Variants in ADGRE3 observed in about 807,000 individuals in gnomAD.
ADGRE3 encodes the protein EGF-like module receptor 3.
In ADGRE3, 88 loss-of-function variants were observed where a neutral mutation model predicts 80.1. That is an observed-to-expected ratio of 1.10 (90% confidence interval 0.93 to 1.31). ADGRE3 has a LOEUF of 1.31. Among genes scored for constraint, ADGRE3 ranks in the 40% most tolerant of loss-of-function variants. The probability of loss-of-function intolerance (pLI) is 0.00; values close to 1 mark genes in which losing one functional copy is unlikely to be tolerated. For missense variants in ADGRE3, 715 were observed against 776.5 expected, an observed-to-expected ratio of 0.92 and a Z score of 0.94; for synonymous variants, 281 against 294.8, an observed-to-expected ratio of 0.95 and a Z score of 0.48.
the ADGRE3 span, among the ~76,000 whole-genome samples, chr19:14,601,634 T>G: frequency 6.6e-6 from 1 of 152,064 alleles, no homozygotes; most frequent in Non-Finnish European, 1.5e-5. Flanking sequence ...TTTCTGTTTT[T>G]CAGGGACAAG....
At chr19:14,602,693 T>C in the ADGRE3 span, among the ~76,000 whole-genome samples, 1 of 152,084 alleles carries the variant, frequency 6.6e-6, no homozygotes, top group African/African-American at 2.4e-5. Flanking sequence ...GTCCCTTCTG[T>C]TTTTTATCCC....
At chr19:14,620,538 TATATATATATTATATATA>T (rs1970546580) in intron 15 of ADGRE3, among the ~76,000 whole-genome samples, 1 of 15,244 alleles carries the variant, frequency 6.6e-5, no homozygotes, top group African/African-American at 4.0e-4. Flanking sequence ...ATATATATTT[TATATATATATTATATATA>T]TATATATATA....
intron 4 of ADGRE3, among the ~76,000 whole-genome samples, chr19:14,661,638 C>G (rs1971945622): frequency 1.3e-5 from 2 of 152,144 alleles, no homozygotes; most frequent in Admixed American, 6.5e-5. Flanking sequence ...ACATCCTGGT[C>G]CCACAACAAA....
intron 6 of ADGRE3, among the ~76,000 whole-genome samples, chr19:14,652,776 CAAAAAAAAAAAAA>C (rs1971643149): frequency 1.6e-5 from 1 of 62,396 alleles, no homozygotes; most frequent in Non-Finnish European, 3.2e-5. Context: ...GACTCCATCT[CAAAAAAAAAAAAA>C]GAAAAAAAAA....
the ADGRE3 span, among the ~76,000 whole-genome samples, chr19:14,607,634 G>A: frequency 6.6e-6 from 1 of 151,728 alleles, no homozygotes; most frequent in African/African-American, 2.4e-5. Context: ...GGAGTGCAAT[G>A]GTGCGATCTC....
At chr19:14,611,419 C>G in the ADGRE3 span, among the ~76,000 whole-genome samples, 1 of 146,584 alleles carries the variant, frequency 6.8e-6, no homozygotes, top group Non-Finnish European at 1.5e-5. Flanking sequence ...ATTCTACTAC[C>G]CAGGCTGGAG....
intron 10 of ADGRE3, among the ~76,000 whole-genome samples, chr19:14,640,391 G>A (rs1971216072): frequency 6.6e-6 from 1 of 152,052 alleles, no homozygotes; most frequent in African/African-American, 2.4e-5. Context: ...CCGGGTTCAA[G>A]CAATTCTCCT....
rs1568471536 is a variant in ADGRE3, at chr19:14,620,551, T to TATATA, written c.1921-1085_1921-1081dup. Among the ~76,000 whole-genome samples the TATATA allele has an allele frequency of 1.4e-3, 32 of 23,402 alleles. 1 individual carries two copies. The highest frequency in any genetic ancestry group is 2.0e-3 in the Admixed American group (3 of 1,478). 15.4% of individuals were successfully genotyped at this position (23,402 alleles called of 152,430 possible). A position where few individuals can be genotyped will look rare whatever the true frequency, so the allele number is the denominator to read the frequency against. On this transcript the variant is annotated intron_variant, in intron 15 of 15. Transcript: ENST00000253673. ...ATATATATATTTTATATATATATTATATATATATATATATATATTTTTTTT... is the reference window on the plus strand; with the variant it reads ...ATATATATATTTTATATATATATTATATATAATATATATATATATATATTTTTTTT...
Position 14,625,488 on chromosome 19 carries a change from T to C in ADGRE3, c.1920+4A>G, listed in dbSNP as rs746648681. 3 of 1,565,486 alleles carry C rather than the reference T, an allele frequency of 1.9e-6. No homozygotes were observed. In the South Asian group the frequency reaches 3.3e-5, roughly 17 times the overall value. On this transcript the variant is annotated splice_donor_region_variant and intron_variant, in intron 15 of 15. Coordinates refer to ENST00000253673, the MANE Select transcript of ADGRE3 (RefSeq NM_032571.5). ...CATTAGAACAATTCAGATGTTTCACTTACCTCACTGGGTTTTGAGTCAGGA... is the reference window on the plus strand; with the variant it reads ...CATTAGAACAATTCAGATGTTTCACCTACCTCACTGGGTTTTGAGTCAGGA...
chr19:14,663,267 T>C (rs936913581), intron 3 of ADGRE3, 151 bp downstream of exon 3: 1 of 289,422 alleles, frequency 3.5e-6, no homozygotes, highest in African/African-American at 2.3e-5. Flanking sequence ...CCTCCCCAAG[T>C]GCTGGGATTA....
the ADGRE3 span, among the ~76,000 whole-genome samples, chr19:14,606,083 C>T: frequency 2.0e-5 from 3 of 152,054 alleles, no homozygotes; most frequent in Admixed American, 6.6e-5. Context: ...TTTCATCTTC[C>T]TTCCTTCTTT....
At chr19:14,620,568 A>ATATATTTTTTT (rs1435435269) in intron 15 of ADGRE3, among the ~76,000 whole-genome samples, 3 of 11,046 alleles carry the variant, frequency 2.7e-4, no homozygotes, top group Non-Finnish European at 3.0e-4. Context: ...ATATATATAT[A>ATATATTTTTTT]TTTTTTTTTT....
At chr19:14,651,040 A>G (rs1971591814) in intron 7 of ADGRE3, 45 bp downstream of exon 7, 1 of 1,610,256 alleles carries the variant, frequency 6.2e-7, no homozygotes, top group South Asian at 1.1e-5. Flanking sequence ...TCACACAATG[A>G]CATGGCTCTG....
chr19:14,643,866 A>G lies in ADGRE3; in HGVS notation c.1050+242T>C, dbSNP rs561015407. ...GCTGGGATTACAGGCATGTACCACT[A>G]TGTTTGGCGAATTTTTGTATTTTTA... On this transcript the variant is annotated intron_variant, in intron 9 of 15. Coordinates refer to ENST00000253673, the MANE Select transcript of ADGRE3 (RefSeq NM_032571.5). Among the ~76,000 whole-genome samples, 3 of 151,898 alleles carry G rather than the reference A, an allele frequency of 2.0e-5. No individual in the cohort carries two copies. The South Asian group carries it at 6.2e-4, about 32-fold the overall frequency.
chr19:14,646,291 T>G (rs1971396277), intron 8 of ADGRE3, among the ~76,000 whole-genome samples: 1 of 152,110 alleles, frequency 6.6e-6, no homozygotes, highest in Admixed American at 6.5e-5. Flanking sequence ...CCCAGCTAAT[T>G]TTTGTATTTT....
chr19:14,660,937 C>CTTTTTT (rs35730102), intron 4 of ADGRE3, among the ~76,000 whole-genome samples: 8 of 83,504 alleles, frequency 9.6e-5, no homozygotes, highest in Non-Finnish European at 1.3e-4. Flanking sequence ...GTCATATTTC[C>CTTTTTT]TTTTTTTTTT....
In ADGRE3 at chr19:14,644,107, C is replaced by A. The variant is rs1256206425; in HGVS notation, c.1050+1G>T. On this transcript the variant is annotated splice_donor_variant, in intron 9 of 15. Coordinates refer to ENST00000253673, the MANE Select transcript of ADGRE3 (RefSeq NM_032571.5). LOFTEE classifies it high-confidence loss of function. ...GGAAGAATAAAACATATACATCATA[C>A]CTGGCTGGTCAGGGCCATCAGGACA... The A allele has an allele frequency of 6.6e-7, 1 of 1,513,462 alleles. No individual in the cohort carries two copies. The highest frequency in any genetic ancestry group is 8.9e-7 in the Non-Finnish European group (1 of 1,127,532). 93.8% of individuals were successfully genotyped at this position (1,513,462 alleles called of 1,614,324 possible). A position where few individuals can be genotyped will look rare whatever the true frequency, so the allele number is the denominator to read the frequency against.
In ADGRE3 at chr19:14,619,231, C is replaced by T. The variant is rs2075102408; in HGVS notation, c.*202G>A. On this transcript the variant is annotated 3_prime_UTR_variant, in exon 16 of 16. Transcript: ENST00000253673. ...TCCAGGGACAAGCATTGACTGAATA[C>T]ACCATAGTGAAGAGAAATGCAATTT... The T allele has an allele frequency of 1.7e-6, 1 of 582,722 alleles. No individual in the cohort carries two copies. Among genetic ancestry groups the T allele is most frequent in the African/African-American group, 1.9e-5 (1 of 52,456 alleles). 36.1% of individuals were successfully genotyped at this position (582,722 alleles called of 1,614,324 possible).
At chr19:14,610,290 G>GGAC in the ADGRE3 span, 1 of 1,492,664 alleles carries the variant, frequency 6.7e-7, no homozygotes, top group African/African-American at 1.4e-5. Flanking sequence ...CTTCGTGAGT[G>GGAC]GACACACAGA....
Sources: gnomAD v4.1 joint callset for allele counts (sites outside exome capture counted in the v4.1 genomes callset) on GRCh38, gnomAD v4.1.1 for gene constraint, MANE v1.5 for transcripts, NCBI Gene and HGNC (gene_info 2026-07-23, HGNC 2026-07-21) for gene names.